The following PODXL2 variants were observed in gnomAD, a reference collection of about 807,000 sequenced individuals.
PODXL2 encodes podocalyxin like 2.
A neutral mutation model predicts 53.4 loss-of-function variants in PODXL2; 17 were observed. The observed-to-expected ratio is 0.32, with a 90% CI of 0.22 to 0.48. The LOEUF is 0.48. Among genes scored for constraint, PODXL2 ranks in the 20% least tolerant of loss-of-function variants. The pLI is 0.99. For synonymous variants in PODXL2, 311 were observed against 306.7 expected (o/e 1.01, Z -0.15); for missense variants, 673 against 760.0 (o/e 0.89, Z 1.35).
At chr3:127,657,165 A>G (rs548552680) in intron 2 of PODXL2, among the ~76,000 whole-genome samples, 1 of 152,298 alleles carries the variant, frequency 6.6e-6, no homozygotes, top group East Asian at 1.9e-4. Flanking sequence ...ATCTCTGAGG[A>G]GGCTGTACAC....
chr3:127,671,701 C>G lies in PODXL2; in HGVS notation c.1605+88C>G, dbSNP rs184807066. 4.2e-5 allele frequency: 54 copies of G among 1,295,562 alleles called. No individual in the cohort carries two copies. In the African/African-American group the frequency reaches 7.1e-4, roughly 17 times the overall value. 80.3% of individuals were successfully genotyped at this position (1,295,562 alleles called of 1,614,324 possible). On this transcript the variant is annotated intron_variant, in intron 7 of 7. Transcript: ENST00000342480. ...CCTCATCTGCAAGGGGAGGCAGTGA[C>G]TCTCCTGGGCGCACAGGGTCCCGTG...
chr3:127,649,401 A>G (rs1473611728), intron 2 of PODXL2, among the ~76,000 whole-genome samples: 1 of 152,208 alleles, frequency 6.6e-6, no homozygotes, highest in Non-Finnish European at 1.5e-5. Context: ...TCGTCTCCTT[A>G]GGGTACCTTT....
chr3:127,645,821 G>A (rs556073265), intron 2 of PODXL2, among the ~76,000 whole-genome samples: 1 of 152,220 alleles, frequency 6.6e-6, no homozygotes, highest in Non-Finnish European at 1.5e-5. Flanking sequence ...CCCTATTCTT[G>A]TCTGCTCTTG....
At chr3:127,670,279 C>T (rs771347266) in intron 6 of PODXL2, among the ~76,000 whole-genome samples, 19 of 152,178 alleles carry the variant, frequency 1.2e-4, no homozygotes, top group Admixed American at 3.3e-4. Context: ...CAGCAGTAAG[C>T]GGTAGAGCCA....
intron 4 of PODXL2, among the ~76,000 whole-genome samples, chr3:127,664,072 G>T (rs2074782231): frequency 6.6e-6 from 1 of 152,064 alleles, no homozygotes; most frequent in Non-Finnish European, 1.5e-5. Context: ...TATGCACATT[G>T]TTGTGGAACA....
Position 127,629,835 on chromosome 3 carries a change from C to A in PODXL2, c.70+546C>A, listed in dbSNP as rs2074531345. 6.6e-6 allele frequency among the ~76,000 whole-genome samples: 1 copy of A among 152,116 alleles called. No individual in the cohort carries two copies. The highest frequency in any genetic ancestry group is 2.4e-5 in the African/African-American group (1 of 41,414). Reference sequence around the variant, plus strand: ...GAGTGTGTCACGGTGAATGGGTATTCTCTCCTGTTCTGGGCGACTCTATTA... The same window carrying A: ...GAGTGTGTCACGGTGAATGGGTATTATCTCCTGTTCTGGGCGACTCTATTA... On this transcript the variant is annotated intron_variant, in intron 1 of 7. Coordinates refer to ENST00000342480, the MANE Select transcript of PODXL2 (RefSeq NM_015720.4). The surrounding 1 kb of genome is among the most constrained non-coding windows in gnomAD (Gnocchi z 6.4).
intron 2 of PODXL2, among the ~76,000 whole-genome samples, chr3:127,640,818 A>T (rs544156508): frequency 8.4e-4 from 128 of 152,360 alleles, no homozygotes; most frequent in South Asian, 2.1e-3. Context: ...GCAAAATTGG[A>T]ATCATAGGGA....
chr3:127,648,937 A>G (rs1334766335), intron 2 of PODXL2, among the ~76,000 whole-genome samples: 1 of 151,824 alleles, frequency 6.6e-6, no homozygotes, highest in Non-Finnish European at 1.5e-5. Flanking sequence ...GGCTGCAGGC[A>G]GGTGCCACCA....
rs1559879552 is a variant in PODXL2, at chr3:127,668,575, C to T, written c.1341C>T (p.Leu447=). 1 of 1,556,604 alleles carries T rather than the reference C, an allele frequency of 6.4e-7. No homozygotes were observed. ...SKPSEKEQHL[L]MTLVGEQGVV... The stretch of plus-strand genomic sequence containing the variant: ...CCAGCGAGAAGGAGCAGCACCTTCT[C>T]ATGACACTGGTGGGCGAGCAGGGTG... The change falls in exon 5 of 8, where the codon CTC becomes CTT. Residue 447 remains leucine, a synonymous_variant. Transcript: ENST00000342480.
chr3:127,633,933 T>C (rs2074562675), intron 1 of PODXL2, among the ~76,000 whole-genome samples: 1 of 151,340 alleles, frequency 6.6e-6, no homozygotes. Context: ...CAGAAGAGCA[T>C]ATGCAAAGAC....
Position 127,669,146 on chromosome 3 carries a change from G to A in PODXL2, c.1369G>A (p.Val457Met), listed in dbSNP as rs200588213. The A allele has an allele frequency of 7.5e-6, 12 of 1,603,936 alleles. 1 individual carries two copies. The highest frequency in any genetic ancestry group is 3.3e-5 in the South Asian group (3 of 89,720). The change falls in exon 6 of 8, where the codon GTG becomes ATG. Residue 457 changes from valine to methionine, a missense_variant. Coordinates refer to ENST00000342480, the MANE Select transcript of PODXL2 (RefSeq NM_015720.4). ...TGGTGTTTCTTACCCCCCAGGGGTG[G>A]TGCCCACTCAAGATGTCCTTTCCAT... ...LMTLVGEQGVVPTQDVLSMLG... is the reference protein window; with the variant it reads ...LMTLVGEQGVMPTQDVLSMLG...
At chr3:127,660,121 A>G (rs764793996) in intron 2 of PODXL2, among the ~76,000 whole-genome samples, 3 of 152,200 alleles carry the variant, frequency 2.0e-5, no homozygotes, top group South Asian at 2.1e-4. Flanking sequence ...GAGGAATGCA[A>G]TATACAAAAC....
At chr3:127,656,627 C>T (rs984490732) in intron 2 of PODXL2, among the ~76,000 whole-genome samples, 6 of 147,638 alleles carry the variant, frequency 4.1e-5, no homozygotes, top group African/African-American at 1.5e-4. Flanking sequence ...CCCAGCTACT[C>T]AGGAGGCTGA....
At position 127,672,608 on chromosome 3, in the gene PODXL2, G is replaced by T. The variant is rs1159786274; in HGVS notation, c.*128G>T. The T allele has an allele frequency of 1.7e-6, 1 of 571,608 alleles. No individual in the cohort carries two copies. The highest frequency in any genetic ancestry group is 2.8e-6 in the Non-Finnish European group (1 of 352,118). The allele number at this position is 571,608 out of a possible 1,614,324, so 35.4% of individuals were successfully genotyped here. On this transcript the variant is annotated 3_prime_UTR_variant, in exon 8 of 8. Coordinates refer to ENST00000342480, the MANE Select transcript of PODXL2 (RefSeq NM_015720.4). ...CCCCCGCGGCCTGGCCCTCGGCGCG[G>T]GCTCCTTCCCGCTTCCCCCGACTTC...
intron 2 of PODXL2, among the ~76,000 whole-genome samples, chr3:127,655,639 CTG>C (rs2074719694): frequency 6.6e-6 from 1 of 152,302 alleles, no homozygotes; most frequent in Admixed American, 6.5e-5. Flanking sequence ...AGCAGTGAAA[CTG>C]AGACCACACT....
intron 3 of PODXL2, among the ~76,000 whole-genome samples, chr3:127,661,544 C>A (rs2074767644): frequency 6.6e-6 from 1 of 151,996 alleles, no homozygotes; most frequent in Admixed American, 6.6e-5. Flanking sequence ...TCAAGCAATT[C>A]TCATACCTCA....
intron 1 of PODXL2, among the ~76,000 whole-genome samples, chr3:127,633,302 C>T (rs765997152): frequency 6.6e-6 from 1 of 152,192 alleles, no homozygotes; most frequent in Admixed American, 6.5e-5. Flanking sequence ...AGGAAGGTAC[C>T]CAGCCCCACA....
At chr3:127,635,325 G>T (rs1290577864) in intron 1 of PODXL2, among the ~76,000 whole-genome samples, 1 of 152,178 alleles carries the variant, frequency 6.6e-6, no homozygotes, top group Non-Finnish European at 1.5e-5. Flanking sequence ...TTTCTTGCTG[G>T]TCTCTGTAGT....
intron 2 of PODXL2, among the ~76,000 whole-genome samples, chr3:127,643,850 G>A (rs2074636351): frequency 6.6e-6 from 1 of 151,720 alleles, no homozygotes; most frequent in African/African-American, 2.4e-5. Context: ...TGTTTCCCAG[G>A]CTGGTCTTGA....
Sources: allele counts gnomAD v4.1 joint callset (sites outside exome capture counted in the v4.1 genomes callset), GRCh38; gene constraint gnomAD v4.1.1; non-coding constraint Gnocchi (gnomAD v3.1); transcripts MANE v1.5; gene names NCBI Gene and HGNC (gene_info 2026-07-23, HGNC 2026-07-21).